Variants in ZNF609 observed in about 807,000 individuals in gnomAD.
ZNF609 encodes zinc finger protein 609.
Under a neutral mutation model 109.5 loss-of-function variants are expected in ZNF609, and 11 were observed. That is an observed-to-expected ratio of 0.10 (90% confidence interval 0.06 to 0.17). The LOEUF (loss-of-function observed/expected upper bound fraction) is 0.17. Ranked by LOEUF, ZNF609 falls within the 10% of genes least tolerant of loss-of-function variation. The probability of loss-of-function intolerance (pLI) is 1.00; values close to 1 mark genes in which losing one functional copy is unlikely to be tolerated. For synonymous variants in ZNF609, 646 were observed against 662.0 expected (o/e 0.98, Z 0.37); for missense variants, 1,559 against 1,772.4 (o/e 0.88, Z 2.16).
chr15:64,495,208 T>C (rs1213661280), intron 1 of ZNF609, among the ~76,000 whole-genome samples: 4 of 152,238 alleles, frequency 2.6e-5, no homozygotes, highest in Non-Finnish European at 5.9e-5. Context: ...TCTTTCCTTA[T>C]TGTTAAGGCT....
intron 2 of ZNF609, among the ~76,000 whole-genome samples, chr15:64,523,524 C>T (rs1466795895): frequency 6.6e-6 from 1 of 152,000 alleles, no homozygotes; most frequent in East Asian, 1.9e-4. Context: ...ATCTGTAATC[C>T]CAGCACTTCG....
At chr15:64,567,949 C>T (rs1039789919) in intron 2 of ZNF609, among the ~76,000 whole-genome samples, 8 of 152,054 alleles carry the variant, frequency 5.3e-5, no homozygotes, top group Middle Eastern at 3.4e-3. Flanking sequence ...GCATTAGCCA[C>T]GGTACCCGGC....
At chr15:64,609,120 C>CT (rs1567028305) in intron 2 of ZNF609, among the ~76,000 whole-genome samples, 4 of 29,860 alleles carry the variant, frequency 1.3e-4, no homozygotes, top group Admixed American at 5.2e-4. Flanking sequence ...TTCTTTCTTT[C>CT]TTTCTTTCTT....
At chr15:64,580,486 C>G (rs1895079776) in intron 2 of ZNF609, among the ~76,000 whole-genome samples, 1 of 151,716 alleles carries the variant, frequency 6.6e-6, no homozygotes, top group African/African-American at 2.4e-5. Flanking sequence ...TAAAGATTCC[C>G]TTTAGTATTT....
intron 2 of ZNF609, chr15:64,528,728 T>C: frequency 9.4e-7 from 1 of 1,060,416 alleles, no homozygotes; most frequent in Non-Finnish European, 1.4e-6. Context: ...GCCAAATTCA[T>C]TGTCATACCA....
chr15:64,555,886 C>CAAA (rs963732035), intron 2 of ZNF609, among the ~76,000 whole-genome samples: 13 of 38,910 alleles, frequency 3.3e-4, no homozygotes, highest in Admixed American at 9.6e-4. Context: ...GACTCTGTCT[C>CAAA]AAAAAAAAAA....
intron 2 of ZNF609, among the ~76,000 whole-genome samples, chr15:64,526,285 A>G (rs1442043479): frequency 6.6e-6 from 1 of 152,016 alleles, no homozygotes; most frequent in African/African-American, 2.4e-5. Flanking sequence ...ATTGTTTTAT[A>G]TGTACTGATC....
At chr15:64,471,835 G>A (rs1159163183) in intron 1 of ZNF609, among the ~76,000 whole-genome samples, 2 of 151,960 alleles carry the variant, frequency 1.3e-5, no homozygotes, top group Non-Finnish European at 2.9e-5. Context: ...CGCCAACCTC[G>A]GCCTCCCAAA....
chr15:64,512,740 T>C (rs577548945), intron 2 of ZNF609, among the ~76,000 whole-genome samples: 3 of 152,130 alleles, frequency 2.0e-5, no homozygotes, highest in African/African-American at 7.2e-5. Flanking sequence ...GCTGAGATTT[T>C]TAAGTCTTAT....
rs372072331 is a variant in ZNF609 at position 64,672,153 on chromosome 15, C to T, written c.1061+1720C>T. Among the ~76,000 whole-genome samples the T allele has an allele frequency of 9.3e-5, 14 of 150,588 alleles. No homozygotes were observed. In the South Asian group the frequency reaches 1.5e-3, roughly 16 times the overall value. ...TCAGCCTCCCGAGTAGCTGGGACTACAGGCGCCCGCCACCACGCCCGGCTA... is the reference window on the plus strand; with the variant it reads ...TCAGCCTCCCGAGTAGCTGGGACTATAGGCGCCCGCCACCACGCCCGGCTA... On this transcript the variant is annotated intron_variant, in intron 4 of 9. Transcript: ENST00000326648.
At chr15:64,517,801 A>T (rs1893835685) in intron 2 of ZNF609, among the ~76,000 whole-genome samples, 1 of 151,564 alleles carries the variant, frequency 6.6e-6, no homozygotes, top group African/African-American at 2.4e-5. Flanking sequence ...TATTATTATT[A>T]TTTTTAGACA....
intron 1 of ZNF609, among the ~76,000 whole-genome samples, chr15:64,499,089 A>G (rs1893521452): frequency 6.6e-6 from 1 of 152,106 alleles, no homozygotes; most frequent in Admixed American, 6.6e-5. Flanking sequence ...GAAATACTGT[A>G]CTTTCCCCTA....
chr15:64,656,757 C>CTCCCTCTT (rs1896494497), intron 3 of ZNF609, among the ~76,000 whole-genome samples: 1 of 151,174 alleles, frequency 6.6e-6, no homozygotes, highest in South Asian at 2.1e-4. Context: ...TCCTCCCTCT[C>CTCCCTCTT]TCCCTCTTTC....
intron 2 of ZNF609, among the ~76,000 whole-genome samples, chr15:64,619,009 T>TC (rs1278780538): frequency 4.6e-5 from 7 of 152,054 alleles, no homozygotes; most frequent in African/African-American, 1.7e-4. Flanking sequence ...GACCATGCCC[T>TC]CCTCTACCCA....
intron 2 of ZNF609, among the ~76,000 whole-genome samples, chr15:64,557,526 G>A (rs1894608940): frequency 6.6e-6 from 1 of 152,104 alleles, no homozygotes; most frequent in Admixed American, 6.6e-5. Context: ...GAAATTAGTG[G>A]TGGGGATTGG....
At chr15:64,633,521 C>T (rs761723972) in intron 3 of ZNF609, among the ~76,000 whole-genome samples, 1 of 152,168 alleles carries the variant, frequency 6.6e-6, no homozygotes, top group Non-Finnish European at 1.5e-5. Flanking sequence ...CTCAAGCAAT[C>T]CTCCTGCCTC....
chr15:64,604,442 T>A (rs1895561255), intron 2 of ZNF609, among the ~76,000 whole-genome samples: 1 of 152,250 alleles, frequency 6.6e-6, no homozygotes, highest in African/African-American at 2.4e-5. Context: ...AGTGATACAG[T>A]TGGGTGATTT....
intron 3 of ZNF609, among the ~76,000 whole-genome samples, chr15:64,634,558 T>C (rs1427211334): frequency 6.6e-6 from 1 of 152,202 alleles, no homozygotes; most frequent in Non-Finnish European, 1.5e-5. Context: ...ATTTTAGATA[T>C]TTGCACTAGA....
chr15:64,554,772 A>G (rs978373240), intron 2 of ZNF609, among the ~76,000 whole-genome samples: 2 of 152,016 alleles, frequency 1.3e-5, no homozygotes, highest in Non-Finnish European at 1.5e-5. Flanking sequence ...TAACCTTTTT[A>G]TATATTCTTG....
Sources: gnomAD v4.1 joint callset for allele counts (sites outside exome capture counted in the v4.1 genomes callset) on GRCh38, gnomAD v4.1.1 for gene constraint, MANE v1.5 for transcripts, NCBI Gene and HGNC (gene_info 2026-07-23, HGNC 2026-07-21) for gene names.